The following ESRRB variants were observed in gnomAD, a reference collection of about 807,000 sequenced individuals.
ESRRB encodes steroid hormone receptor ERR2.
A neutral mutation model predicts 46.0 loss-of-function variants in ESRRB; 16 were observed. The observed-to-expected ratio is 0.35, with a 90% confidence interval of 0.24 to 0.53. The LOEUF (loss-of-function observed/expected upper bound fraction) is 0.53, where lower values mean the gene tolerates loss of function less well. Ranked by LOEUF, ESRRB falls within the 20% of genes least tolerant of loss-of-function variation. The pLI is 0.93. For synonymous variants in ESRRB, 246 were observed against 259.6 expected, an observed-to-expected ratio of 0.95 and a Z score of 0.50; for missense variants, 488 against 607.4, an observed-to-expected ratio of 0.80 and a Z score of 2.07.
chr14:76,372,178 C>T (rs10130417), upstream of ESRRB, among the ~76,000 whole-genome samples: 513 of 150,930 alleles, frequency 3.4e-3, 1 homozygote, highest in African/African-American at 0.011. Context: ...TGGGAAAGGG[C>T]GGGTGGTTAG....
chr14:76,369,281 T>G (rs1595056744), upstream of ESRRB, among the ~76,000 whole-genome samples: 1 of 79,676 alleles, frequency 1.3e-5, no homozygotes, highest in South Asian at 3.7e-4. Context: ...TTCTTTGAGG[T>G]TTTTTTTTTT....
At chr14:76,410,223 AAAAC>A (rs542047253) in intron 1 of ESRRB, among the ~76,000 whole-genome samples, 21 of 152,272 alleles carry the variant, frequency 1.4e-4, no homozygotes, top group Admixed American at 2.0e-4. Context: ...GACAGGTCTC[AAAAC>A]AAACAAACAA....
chr14:76,367,415 G>A (rs1884535379), upstream of ESRRB, among the ~76,000 whole-genome samples: 1 of 152,048 alleles, frequency 6.6e-6, no homozygotes, highest in African/African-American at 2.4e-5. Context: ...AAATTAGCTG[G>A]ATGTGGTGGC....
chr14:76,333,525 G>A (rs1405167866), intron 1 of ESRRB, among the ~76,000 whole-genome samples: 3 of 138,224 alleles, frequency 2.2e-5, no homozygotes, highest in Admixed American at 7.8e-5. Flanking sequence ...ACAAAGTTTC[G>A]CTGTGTTGCC....
chr14:76,423,906 G>T (rs1300590049), intron 1 of ESRRB, among the ~76,000 whole-genome samples: 1 of 152,052 alleles, frequency 6.6e-6, no homozygotes, highest in Non-Finnish European at 1.5e-5. Context: ...GAGTGGGCAG[G>T]AGATAGCATG....
chr14:76,489,445 C>CCACACA (rs56091857), intron 5 of ESRRB, among the ~76,000 whole-genome samples: 6,370 of 129,594 alleles, frequency 0.049, 187 homozygotes, highest in Non-Finnish European at 0.064. Flanking sequence ...ATCTGGACAA[C>CCACACA]CACACACACA....
At chr14:76,458,839 C>T (rs75691270) in intron 2 of ESRRB, among the ~76,000 whole-genome samples, 12 of 147,112 alleles carry the variant, frequency 8.2e-5, no homozygotes, top group African/African-American at 3.0e-4. Context: ...TTCACCCTCT[C>T]CTTTTTTTTT....
chr14:76,449,511 C>T (rs2139957961), intron 2 of ESRRB, among the ~76,000 whole-genome samples: 1 of 151,894 alleles, frequency 6.6e-6, no homozygotes, highest in Middle Eastern at 3.4e-3. Context: ...AGATCACACA[C>T]TGCACTCCAG....
At chr14:76,313,713 T>A (rs927657854) in intron 1 of ESRRB, among the ~76,000 whole-genome samples, 7 of 152,222 alleles carry the variant, frequency 4.6e-5, no homozygotes, top group Admixed American at 1.3e-4. Context: ...CACGAGCAGC[T>A]TTTTCCCTAT....
At chr14:76,448,328 C>CTTTTT (rs33918963) in intron 2 of ESRRB, among the ~76,000 whole-genome samples, 8 of 133,496 alleles carry the variant, frequency 6.0e-5, no homozygotes, top group African/African-American at 2.2e-4. Context: ...ATTTACTTAC[C>CTTTTT]TTTTTTTTTT....
At chr14:76,340,120 G>A (rs534767774) in intron 1 of ESRRB, among the ~76,000 whole-genome samples, 4 of 152,122 alleles carry the variant, frequency 2.6e-5, no homozygotes, top group South Asian at 2.1e-4. Flanking sequence ...CCAGGAGGCC[G>A]GAAAAGGACA....
chr14:76,454,507 T>G (rs932023370), intron 2 of ESRRB, among the ~76,000 whole-genome samples: 9 of 152,018 alleles, frequency 5.9e-5, no homozygotes, highest in Non-Finnish European at 1.3e-4. Flanking sequence ...AAGGAGGCCA[T>G]GTGAGAGCTG....
intron 1 of ESRRB, among the ~76,000 whole-genome samples, chr14:76,425,804 A>G (rs1887173178): frequency 6.6e-6 from 1 of 151,672 alleles, no homozygotes; most frequent in East Asian, 1.9e-4. Context: ...GCTCACTGCA[A>G]CCTCTACCAC....
At chr14:76,365,409 A>T (rs1176969430) in intron 1 of ESRRB, among the ~76,000 whole-genome samples, 1 of 152,300 alleles carries the variant, frequency 6.6e-6, no homozygotes, top group South Asian at 2.1e-4. Context: ...AGCCCAGGAG[A>T]TTAAGGCTCC....
In ESRRB at chr14:76,482,056, C is replaced by T. The variant is rs1334843237; in HGVS notation, c.618C>T (p.Tyr206=). The change falls in exon 4 of 7, where the codon TAC becomes TAT. Residue 206 remains tyrosine, a synonymous_variant. Transcript: ENST00000644823. This position sits in a 1 kb window ranked among gnomAD's most constrained non-coding sequence, Gnocchi z 4.3. ...GAGTGCGTGGAGGCCGTCAGAAATA[C>T]AAGCGACGGCTGGACTCAGAGAGCA... The part of the protein sequence containing the change: ...LDRVRGGRQK[Y]KRRLDSESSP... 2 of 1,614,226 alleles carry T rather than the reference C, an allele frequency of 1.2e-6. No individual in the cohort carries two copies. The highest frequency in any genetic ancestry group is 1.7e-5 in the Admixed American group (1 of 60,032).
chr14:76,357,262 G>A (rs1884390310), intron 1 of ESRRB, among the ~76,000 whole-genome samples: 1 of 152,196 alleles, frequency 6.6e-6, no homozygotes, highest in South Asian at 2.1e-4. Context: ...CCCAAGATGG[G>A]ATTCACATTT....
At chr14:76,490,066 TA>T (rs1244740656) in intron 5 of ESRRB, among the ~76,000 whole-genome samples, 1 of 152,220 alleles carries the variant, frequency 6.6e-6, no homozygotes, top group African/African-American at 2.4e-5. Flanking sequence ...GGATGGGGTC[TA>T]AGTCAGCAAA....
At chr14:76,312,496 A>G (rs1249332983) in intron 1 of ESRRB, among the ~76,000 whole-genome samples, 2 of 151,702 alleles carry the variant, frequency 1.3e-5, no homozygotes, top group African/African-American at 4.9e-5. Flanking sequence ...TTCAGCCAGT[A>G]AGACCGCATT....
chr14:76,412,589 C>A (rs1468036442), intron 1 of ESRRB, among the ~76,000 whole-genome samples: 1 of 152,174 alleles, frequency 6.6e-6, no homozygotes, highest in Non-Finnish European at 1.5e-5. Flanking sequence ...GTCATGCCAA[C>A]CCCATCCTCC....
Sources: gnomAD v4.1 joint callset for allele counts (sites outside exome capture counted in the v4.1 genomes callset) on GRCh38, gnomAD v4.1.1 for gene constraint, Gnocchi (gnomAD v3.1) non-coding constraint, MANE v1.5 for transcripts, NCBI Gene and HGNC (gene_info 2026-07-23, HGNC 2026-07-21) for gene names.